DLG5: variants seen among roughly 807,000 people sequenced by gnomAD.
The protein encoded by DLG5 is discs large MAGUK scaffold protein 5.
A neutral mutation model predicts 189.8 loss-of-function variants in DLG5; 48 were observed. That is an observed-to-expected ratio of 0.25 (90% CI 0.20 to 0.32). The LOEUF (loss-of-function observed/expected upper bound fraction) is 0.32, where lower values mean the gene tolerates loss of function less well. DLG5 is among the 10% of genes least tolerant of loss of function. The probability of loss-of-function intolerance (pLI) is 1.00; values close to 1 mark genes in which losing one functional copy is unlikely to be tolerated. For missense variants in DLG5, 2,160 were observed against 2,544.7 expected (o/e 0.85, Z 3.25); for synonymous variants, 1,016 against 1,054.1 (o/e 0.96, Z 0.70).
chr10:77,874,901 C>T (rs1017517215), intron 1 of DLG5, among the ~76,000 whole-genome samples: 2 of 152,202 alleles, frequency 1.3e-5, no homozygotes, highest in Non-Finnish European at 2.9e-5. Flanking sequence ...TGACAAGTCA[C>T]ACAATCTACA....
intron 1 of DLG5, among the ~76,000 whole-genome samples, chr10:77,902,247 AT>A (rs1433675023): frequency 4.6e-5 from 7 of 152,320 alleles, no homozygotes; most frequent in Non-Finnish European, 8.8e-5. Flanking sequence ...AAGGGGTTTA[AT>A]CTTTCAGAAG....
At chr10:77,843,251 G>C (rs1226756055) in intron 6 of DLG5, among the ~76,000 whole-genome samples, 196 bp downstream of exon 6, 1 of 152,194 alleles carries the variant, frequency 6.6e-6, no homozygotes, top group African/African-American at 2.4e-5. Context: ...GAACCCGAAG[G>C]TAAACAGGGA....
rs942807459 is a variant in DLG5 at position 77,903,149 on chromosome 10, C to T, written c.304+23068G>A. Reference sequence around the variant, plus strand: ...GTGTATAAAATCACCATTAAGCAGCCGGGCGCAGCGGCTCACGCCTGTAAT... The same window carrying T: ...GTGTATAAAATCACCATTAAGCAGCTGGGCGCAGCGGCTCACGCCTGTAAT... On this transcript the variant is annotated intron_variant, in intron 1 of 31. Transcript: ENST00000372391. 2.0e-5 allele frequency among the ~76,000 whole-genome samples: 3 copies of T among 152,218 alleles called. 1 individual carries two copies. The highest frequency in any genetic ancestry group is 2.0e-4 in the Admixed American group (3 of 15,290).
At chr10:77,887,246 G>C (rs1333574843) in intron 1 of DLG5, among the ~76,000 whole-genome samples, 1 of 152,152 alleles carries the variant, frequency 6.6e-6, no homozygotes, top group Non-Finnish European at 1.5e-5. Context: ...GAAAGTCAAT[G>C]ACCAGATGCA....
intron 11 of DLG5, 100 bp from the exon 12 acceptor site, chr10:77,829,630 T>C (rs1842807657): frequency 1.0e-5 from 14 of 1,369,952 alleles, no homozygotes; most frequent in Middle Eastern, 2.0e-4. Flanking sequence ...AAGGAGTGGG[T>C]GCCTCACATA....
chr10:77,820,954 CAGCAAA>C, intron 15 of DLG5, 122 bp downstream of exon 15: 3 of 1,316,654 alleles, frequency 2.3e-6, no homozygotes, highest in Non-Finnish European at 3.0e-6. Context: ...TTGAGTCCAA[CAGCAAA>C]GGCAAAGGCA....
At chr10:77,823,908 G>A (rs1842490883) in intron 14 of DLG5, among the ~76,000 whole-genome samples, 1 of 151,968 alleles carries the variant, frequency 6.6e-6, no homozygotes, top group Non-Finnish European at 1.5e-5. Flanking sequence ...CTGCCACCTC[G>A]ACCTCCCAGG....
At chr10:77,822,858 T>C (rs1842438648) in intron 14 of DLG5, among the ~76,000 whole-genome samples, 1 of 152,316 alleles carries the variant, frequency 6.6e-6, no homozygotes, top group African/African-American at 2.4e-5. Flanking sequence ...TCCAACTCTA[T>C]GGCATTCTGG....
chr10:77,844,680 A>G (rs546461230), intron 5 of DLG5, among the ~76,000 whole-genome samples: 10 of 152,350 alleles, frequency 6.6e-5, no homozygotes, highest in African/African-American at 2.4e-4. Flanking sequence ...CAGATAGGCC[A>G]AATAAAGTAA....
chr10:77,880,513 T>C (rs1845245830), intron 1 of DLG5, among the ~76,000 whole-genome samples: 1 of 152,096 alleles, frequency 6.6e-6, no homozygotes, highest in African/African-American at 2.4e-5. Flanking sequence ...TGGTCAGGTC[T>C]TAAGAGAGGT....
the DLG5 span, among the ~76,000 whole-genome samples, chr10:77,939,041 G>A: frequency 2.0e-5 from 3 of 152,170 alleles, no homozygotes; most frequent in Non-Finnish European, 4.4e-5. Flanking sequence ...TTAGCCGGGT[G>A]TGGTGGCGCA....
At chr10:77,809,422 G>A (rs1841644891) in intron 24 of DLG5, 125 bp downstream of exon 24, 1 of 1,110,500 alleles carries the variant, frequency 9.0e-7, no homozygotes, top group African/African-American at 1.6e-5. Context: ...AACAACAAAA[G>A]TCAGCCCTGA....
chr10:77,883,317 G>A (rs1001807406), intron 1 of DLG5, among the ~76,000 whole-genome samples: 7 of 152,170 alleles, frequency 4.6e-5, no homozygotes, highest in African/African-American at 1.7e-4. Context: ...GAGGTTTGTG[G>A]TTGGGGCATC....
intron 27 of DLG5, among the ~76,000 whole-genome samples, chr10:77,800,484 C>T (rs1322839189): frequency 6.6e-6 from 1 of 151,356 alleles, no homozygotes; most frequent in Non-Finnish European, 1.5e-5. Context: ...GCTGAGAACC[C>T]AGGCACGGGG....
intron 5 of DLG5, among the ~76,000 whole-genome samples, chr10:77,845,934 TAA>T (rs1209911526): frequency 3.0e-4 from 29 of 97,508 alleles, no homozygotes; most frequent in Middle Eastern, 9.6e-3. Flanking sequence ...AATCTTTCTT[TAA>T]AAAAAAAAAA....
chr10:77,876,440 T>C (rs1845092823), intron 1 of DLG5, among the ~76,000 whole-genome samples: 1 of 150,192 alleles, frequency 6.7e-6, no homozygotes, highest in Non-Finnish European at 1.5e-5. Flanking sequence ...AGTGGCACAA[T>C]CTTAGCTCAC....
intron 9 of DLG5, 145 bp downstream of exon 9, chr10:77,833,769 G>T: frequency 1.7e-6 from 2 of 1,170,098 alleles, no homozygotes; most frequent in African/African-American, 1.5e-5. Context: ...GAGTAAGGCA[G>T]AGTGAAGTGA....
At chr10:77,808,324 T>C (rs1841581782) in intron 24 of DLG5, among the ~76,000 whole-genome samples, 1 of 152,208 alleles carries the variant, frequency 6.6e-6, no homozygotes, top group Non-Finnish European at 1.5e-5. Context: ...CTGAGTGCAG[T>C]GGTGCAATCA....
rs1398297468 is a variant in DLG5 at position 77,817,851 on chromosome 10, T to A, written c.3710A>T (p.His1237Leu). The A allele has an allele frequency of 1.3e-6, 2 of 1,553,532 alleles. No homozygotes were observed. Among genetic ancestry groups the A allele is most frequent in the Non-Finnish European group, 8.7e-7 (1 of 1,147,948 alleles). The change falls in exon 18 of 32, where the codon CAC becomes CTC. Residue 1237 changes from histidine (H) to leucine (L), a missense_variant. Physicochemically the swap from His to Leu is moderately conservative, Grantham distance 99 (BLOSUM62 -3). Around this residue, in one of 5 missense-constraint regions of DLG5, gnomAD observed 754 missense variants for 746.5 expected, o/e 1.01. Coordinates refer to ENST00000372391, the MANE Select transcript of DLG5 (RefSeq NM_004747.4). ...CTCGGAGTAGTCGCTGCAGGTCCTG[T>A]GGCTCAGGTCCAGGCTCAGGCGTCC... is the stretch of plus-strand genomic sequence containing the variant. ...HQGRLSLDLS[H>L]RTCSDYSEMR...
Sources: allele counts gnomAD v4.1 joint callset (sites outside exome capture counted in the v4.1 genomes callset), GRCh38; gene constraint gnomAD v4.1.1; regional missense constraint gnomAD v4.1.1; transcripts MANE v1.5; gene names NCBI Gene and HGNC (gene_info 2026-07-23, HGNC 2026-07-21).